The following DPP6 variants were observed in gnomAD, a reference collection of about 807,000 sequenced individuals.
The protein encoded by DPP6 is A-type potassium channel modulatory protein DPP6.
In DPP6, 69 loss-of-function variants were observed where a neutral mutation model predicts 122.6. The ratio of observed to expected loss-of-function variants is 0.56; its 90% CI spans 0.46 to 0.69. The LOEUF is 0.69. Among genes scored for constraint, DPP6 ranks in the 30% least tolerant of loss-of-function variants. The pLI is 0.00. For missense variants in DPP6, 928 were observed against 1,116.9 expected (o/e 0.83, Z 2.41); for synonymous variants, 418 against 433.1 (o/e 0.97, Z 0.43).
upstream of DPP6, among the ~76,000 whole-genome samples, chr7:154,049,581 CATTT>C (rs199596759): frequency 3.1e-3 from 410 of 131,948 alleles, no homozygotes; most frequent in Middle Eastern, 7.9e-3. Flanking sequence ...AGGTATAGAA[CATTT>C]ATTTATTTAT....
rs150470057 is a variant in DPP6, at chr7:154,776,664, G to A, written c.1136+3722G>A. On this transcript the variant is annotated intron_variant, in intron 10 of 25. Coordinates refer to ENST00000377770, the MANE Select transcript of DPP6 (RefSeq NM_130797.4). ...GGATGTATTGACTTCAAATTTAGCC[G>A]GTAAAATCTTATTTGCATGGGATTC... is the stretch of plus-strand genomic sequence containing the variant. Among the ~76,000 whole-genome samples the A allele has an allele frequency of 2.5e-3, 388 of 152,218 alleles. 1 individual carries two copies. The highest frequency in any genetic ancestry group is 9.1e-3 in the African/African-American group (377 of 41,526).
upstream of DPP6, among the ~76,000 whole-genome samples, chr7:154,048,752 A>T (rs1800145226): frequency 9.2e-6 from 1 of 108,184 alleles, no homozygotes; most frequent in African/African-American, 3.2e-5. Flanking sequence ...CAACTACAGG[A>T]TATAATTCTC....
At chr7:153,856,013 C>T in the DPP6 span, among the ~76,000 whole-genome samples, 1 of 152,192 alleles carries the variant, frequency 6.6e-6, no homozygotes, top group Non-Finnish European at 1.5e-5. Flanking sequence ...TCCCCCAAGT[C>T]AAAGGCTTTC....
chr7:154,572,510 C>CTTTT (rs77816407), intron 5 of DPP6, among the ~76,000 whole-genome samples: 28 of 86,148 alleles, frequency 3.3e-4, no homozygotes, highest in Non-Finnish European at 4.7e-4. Context: ...TTTTTCTTTT[C>CTTTT]TTTTTTTTTT....
intron 1 of DPP6, among the ~76,000 whole-genome samples, chr7:154,187,923 T>A (rs534866129): frequency 1.3e-5 from 2 of 152,176 alleles, no homozygotes; most frequent in African/African-American, 4.8e-5. Context: ...TATCAATACA[T>A]GCTCAATAAA....
At chr7:154,010,186 G>T (rs1398027030) in intron 1 of DPP6, among the ~76,000 whole-genome samples, 1 of 152,150 alleles carries the variant, frequency 6.6e-6, no homozygotes, top group Non-Finnish European at 1.5e-5. Context: ...TCTAAATAAA[G>T]AATACAAATC....
chr7:154,747,295 T>TA (rs1843081310), intron 8 of DPP6, among the ~76,000 whole-genome samples: 2 of 152,196 alleles, frequency 1.3e-5, no homozygotes, highest in South Asian at 4.1e-4. Flanking sequence ...AAGCTGGATC[T>TA]AAAAAACATA....
chr7:154,374,384 C>T (rs960209672), intron 1 of DPP6, among the ~76,000 whole-genome samples: 2 of 152,128 alleles, frequency 1.3e-5, no homozygotes, highest in African/African-American at 4.8e-5. Context: ...GTCACTGTTG[C>T]ACGTGAGCCA....
At chr7:154,008,446 G>T (rs2533535) in intron 1 of DPP6, among the ~76,000 whole-genome samples, 2 of 152,138 alleles carry the variant, frequency 1.3e-5, no homozygotes, top group South Asian at 4.2e-4. Context: ...ATAGGTTTAA[G>T]CAAGTCTTCA....
intron 1 of DPP6, among the ~76,000 whole-genome samples, chr7:153,966,553 GCTTTTTTTTTTT>G (rs1445907929): frequency 6.9e-5 from 4 of 57,604 alleles, no homozygotes; most frequent in African/African-American, 1.1e-4. Context: ...TCCTGTGTTG[GCTTTTTTTTTTT>G]TTTTTTTTTT....
intron 1 of DPP6, among the ~76,000 whole-genome samples, chr7:154,077,217 A>C (rs1485545482): frequency 6.6e-6 from 1 of 152,184 alleles, no homozygotes; most frequent in African/African-American, 2.4e-5. Context: ...CTCTGTACTA[A>C]AGCCAATTAA....
chr7:154,661,864 A>T (rs1243062252), intron 6 of DPP6, among the ~76,000 whole-genome samples: 3 of 150,988 alleles, frequency 2.0e-5, no homozygotes, highest in Admixed American at 2.0e-4. Context: ...CATAGTGTTC[A>T]TATAGTCATG....
intron 7 of DPP6, among the ~76,000 whole-genome samples, chr7:154,714,278 C>A (rs1841356216): frequency 6.6e-6 from 1 of 152,236 alleles, no homozygotes; most frequent in Non-Finnish European, 1.5e-5. Flanking sequence ...GCCCTTCAAC[C>A]CGTTCCAACC....
At chr7:154,424,490 G>A (rs886070403) in intron 1 of DPP6, among the ~76,000 whole-genome samples, 3 of 152,026 alleles carry the variant, frequency 2.0e-5, no homozygotes, top group African/African-American at 4.8e-5. Context: ...GCCAGCAATC[G>A]CTGCCTGTGT....
chr7:154,077,220 C>T (rs185036675), intron 1 of DPP6, among the ~76,000 whole-genome samples: 1 of 152,068 alleles, frequency 6.6e-6, no homozygotes, highest in East Asian at 1.9e-4. Flanking sequence ...TGTACTAAAG[C>T]CAATTAACTT....
At chr7:154,874,260 G>A (rs1003359755) in intron 19 of DPP6, among the ~76,000 whole-genome samples, 1 of 152,188 alleles carries the variant, frequency 6.6e-6, no homozygotes, top group African/African-American at 2.4e-5. Context: ...GGTTTCTTCA[G>A]TGATCTTAAA....
the DPP6 span, among the ~76,000 whole-genome samples, chr7:153,852,353 G>A: frequency 6.6e-6 from 1 of 152,088 alleles, no homozygotes; most frequent in Non-Finnish European, 1.5e-5. Flanking sequence ...TTCTGGGGAG[G>A]CCTCAGGGAA....
the DPP6 span, among the ~76,000 whole-genome samples, chr7:153,765,350 T>C: frequency 7.9e-6 from 1 of 126,308 alleles, no homozygotes; most frequent in Non-Finnish European, 1.8e-5. Context: ...GAGACCAGCC[T>C]GGCCAATATG....
chr7:154,537,528 A>G (rs1828354936), intron 3 of DPP6, among the ~76,000 whole-genome samples: 1 of 152,110 alleles, frequency 6.6e-6, no homozygotes. Context: ...CGTCTCTACT[A>G]AAAATACAAA....
Sources: allele counts gnomAD v4.1 joint callset (sites outside exome capture counted in the v4.1 genomes callset), GRCh38; gene constraint gnomAD v4.1.1; transcripts MANE v1.5; gene names NCBI Gene and HGNC (gene_info 2026-07-23, HGNC 2026-07-21).